Variants in DOCK10 observed in about 807,000 individuals in gnomAD.
DOCK10 encodes dedicator of cytokinesis 10.
A neutral mutation model predicts 280.1 loss-of-function variants in DOCK10; 145 were observed. The observed-to-expected ratio is 0.52, with a 90% CI of 0.45 to 0.59. The LOEUF (loss-of-function observed/expected upper bound fraction) is 0.59, where lower values mean the gene tolerates loss of function less well. Ranked by LOEUF, DOCK10 falls within the 20% of genes least tolerant of loss-of-function variation. The pLI is 0.00. For missense variants in DOCK10, 2,368 were observed against 2,651.7 expected (o/e 0.89, Z 2.35); for synonymous variants, 915 against 942.2 (o/e 0.97, Z 0.53).
chr2:224,920,447 A>C (rs1246244709), intron 2 of DOCK10, among the ~76,000 whole-genome samples: 1 of 152,108 alleles, frequency 6.6e-6, no homozygotes. Flanking sequence ...ACTCTGTTAG[A>C]AGATAAATAG....
chr2:224,997,451 C>T (rs1468363866), intron 1 of DOCK10, among the ~76,000 whole-genome samples: 3 of 152,052 alleles, frequency 2.0e-5, no homozygotes, highest in African/African-American at 4.8e-5. Flanking sequence ...AGGCTGGTCT[C>T]GAACTCTTGA....
chr2:224,905,983 A>G (rs1212872858), intron 3 of DOCK10, among the ~76,000 whole-genome samples: 1 of 151,978 alleles, frequency 6.6e-6, no homozygotes, highest in African/African-American at 2.4e-5. Flanking sequence ...CTCCAGACCT[A>G]TGTATTTATC....
intron 26 of DOCK10, among the ~76,000 whole-genome samples, chr2:224,831,383 T>C (rs915198618): frequency 1.4e-4 from 21 of 152,190 alleles, no homozygotes; most frequent in South Asian, 4.1e-4. Flanking sequence ...TCCTCCTACC[T>C]CGAGAAACAA....
At chr2:224,819,404 G>T in intron 29 of DOCK10, 42 bp downstream of exon 29, 2 of 1,302,276 alleles carry the variant, frequency 1.5e-6, no homozygotes, top group East Asian at 2.4e-5. Context: ...TATTTACAAT[G>T]CCATAGTTTA....
intron 1 of DOCK10, among the ~76,000 whole-genome samples, chr2:225,007,425 A>G (rs1299132529): frequency 1.3e-5 from 2 of 152,222 alleles, no homozygotes; most frequent in African/African-American, 2.4e-5. Flanking sequence ...GTAGGTTGAC[A>G]TAACTAGAAC....
intron 1 of DOCK10, among the ~76,000 whole-genome samples, chr2:224,963,000 G>T (rs1472316455): frequency 6.6e-6 from 1 of 152,034 alleles, no homozygotes; most frequent in South Asian, 2.1e-4. Flanking sequence ...ATAAACCCTG[G>T]TTACTAGTTT....
chr2:224,820,179 TC>T (rs1013421702), intron 28 of DOCK10, among the ~76,000 whole-genome samples: 1 of 152,180 alleles, frequency 6.6e-6, no homozygotes. Context: ...AGGAAGGAGA[TC>T]GTAAGATTTC....
chr2:224,792,958 C>G lies in DOCK10; in HGVS notation c.5311+16G>C. On this transcript the variant is annotated intron_variant, in intron 47 of 55. Transcript: ENST00000258390. ...TTTCCTCTGCATTGGGATAAATGAG[C>G]AGTTAGGTCACTCACTTCCTCCACT... The G allele has an allele frequency of 6.3e-7, 1 of 1,577,018 alleles. No homozygotes were observed.
At chr2:225,013,114 C>T (rs1689489390) in intron 1 of DOCK10, among the ~76,000 whole-genome samples, 1 of 152,112 alleles carries the variant, frequency 6.6e-6, no homozygotes, top group Non-Finnish European at 1.5e-5. Flanking sequence ...GAACTTTAGT[C>T]TGCAGATTAA....
chr2:225,026,903 T>G (rs1409344465), intron 1 of DOCK10, among the ~76,000 whole-genome samples: 4 of 152,224 alleles, frequency 2.6e-5, no homozygotes, highest in African/African-American at 9.6e-5. Context: ...ACCAGATATA[T>G]AGTGAATCTC....
rs370517120 is a variant in DOCK10, at chr2:224,876,124, A to C, written c.845T>G (p.Ile282Ser). Residue 282 changes from isoleucine (I) to serine (S), a missense_variant, in exon 8 of 56, where the codon ATC (isoleucine) becomes AGC (serine). Physicochemically the swap from Ile to Ser is moderately radical, Grantham distance 142. This residue lies in a region of DOCK10 where 1,209 missense variants were observed against 1,250.9 expected (regional missense o/e 0.97). Coordinates refer to ENST00000258390, the MANE Select transcript of DOCK10 (RefSeq NM_014689.3). Reference sequence around the variant, plus strand: ...TTGCAGAATGCGGTTGAGGGTGTGGATCCATTCATCCATATCTGACTCTGT... The same window carrying C: ...TTGCAGAATGCGGTTGAGGGTGTGGCTCCATTCATCCATATCTGACTCTGT... ...AETESDMDEW[I>S]HTLNRILQIS... The C allele has an allele frequency of 6.4e-5, 104 of 1,613,848 alleles. 1 individual carries two copies. Among genetic ancestry groups the C allele is most frequent in the Non-Finnish European group, 6.9e-5 (81 of 1,179,896 alleles).
chr2:224,774,839 C>T lies in DOCK10; in HGVS notation c.6013+66G>A, dbSNP rs1690717244. 11 of 1,423,092 alleles carry T rather than the reference C, an allele frequency of 7.7e-6. No individual in the cohort carries two copies. The South Asian group carries it at 8.6e-5, about 11-fold the overall frequency. The allele number at this position is 1,423,092 out of a possible 1,614,324, so 88.2% of individuals were successfully genotyped here. On this transcript the variant is annotated intron_variant, in intron 52 of 55. Transcript: ENST00000258390. ...GAAATAACTCTTGATTCCTACTGAT[C>T]CAGCCCTATAAAGGGGCCTGTGCTG...
At chr2:224,879,153 C>A (rs1574983184) in intron 7 of DOCK10, among the ~76,000 whole-genome samples, 1 of 152,132 alleles carries the variant, frequency 6.6e-6, no homozygotes, top group East Asian at 1.9e-4. Context: ...GCAGTGTAAA[C>A]AAAGTGGAGG....
intron 1 of DOCK10, among the ~76,000 whole-genome samples, chr2:225,022,673 C>G (rs1272863878): frequency 1.3e-5 from 2 of 152,212 alleles, no homozygotes; most frequent in Non-Finnish European, 2.9e-5. Context: ...GTCTTTCAGG[C>G]AGGGTGTTCA....
chr2:224,914,578 G>A (rs1227984759), intron 3 of DOCK10, among the ~76,000 whole-genome samples: 1 of 152,070 alleles, frequency 6.6e-6, no homozygotes, highest in Non-Finnish European at 1.5e-5. Context: ...GTGATAACAG[G>A]GCAGCCAGTC....
chr2:224,807,905 A>G lies in DOCK10; in HGVS notation c.3585+6T>C, dbSNP rs1693506358. 1 of 1,607,452 alleles carries G rather than the reference A, an allele frequency of 6.2e-7. No individual in the cohort carries two copies. On this transcript the variant is annotated splice_donor_region_variant and intron_variant, in intron 32 of 55. Transcript: ENST00000258390. ...TTTAGGGAAGGGAGAAAGGAAGATC[A>G]CTTACTGGCTCTCTGTATCGATCAT...
chr2:224,889,114 C>A (rs770274980), intron 4 of DOCK10, among the ~76,000 whole-genome samples: 2 of 152,148 alleles, frequency 1.3e-5, no homozygotes, highest in East Asian at 3.8e-4. Flanking sequence ...GTAAAAGCAA[C>A]CTCTGAATCT....
chr2:224,807,866 G>A, intron 32 of DOCK10, 45 bp downstream of exon 32: 3 of 1,578,826 alleles, frequency 1.9e-6, no homozygotes, highest in Non-Finnish European at 2.6e-6. Flanking sequence ...AATGCAGTGA[G>A]CCATTAAATG....
chr2:224,990,522 T>G (rs569654425), intron 1 of DOCK10, among the ~76,000 whole-genome samples: 1 of 152,052 alleles, frequency 6.6e-6, no homozygotes, highest in South Asian at 2.1e-4. Context: ...TAATTATTAC[T>G]GGAAAAGAGA....
Sources: allele counts gnomAD v4.1 joint callset (sites outside exome capture counted in the v4.1 genomes callset), GRCh38; gene constraint gnomAD v4.1.1; regional missense constraint gnomAD v4.1.1; transcripts MANE v1.5; gene names NCBI Gene and HGNC (gene_info 2026-07-23, HGNC 2026-07-21).